Variants in PARD3 observed in about 807,000 individuals in gnomAD.
PARD3 encodes par-3 family cell polarity regulator, also known as partitioning defective 3 homolog.
Under a neutral mutation model 155.4 loss-of-function variants are expected in PARD3, and 75 were observed. That is an observed-to-expected ratio of 0.48 (90% CI 0.40 to 0.58). The LOEUF is 0.58. Among genes scored for constraint, PARD3 ranks in the 20% least tolerant of loss-of-function variants. The pLI, the probability that PARD3 is intolerant of heterozygous loss-of-function variation, is 0.00. For synonymous variants in PARD3, 576 were observed against 610.5 expected (o/e 0.94, Z 0.83); for missense variants, 1,642 against 1,721.7 (o/e 0.95, Z 0.82).
intron 5 of PARD3, among the ~76,000 whole-genome samples, chr10:34,441,964 T>C (rs2076486627): frequency 6.6e-6 from 1 of 152,172 alleles, no homozygotes; most frequent in African/African-American, 2.4e-5. Flanking sequence ...AAATAGAAGT[T>C]CTGGTATTTT....
intron 20 of PARD3, among the ~76,000 whole-genome samples, chr10:34,307,654 T>C (rs1055709084): frequency 5.9e-5 from 9 of 152,068 alleles, no homozygotes; most frequent in African/African-American, 1.9e-4. Flanking sequence ...CCTGGGCACA[T>C]CCAGCAGGCA....
chr10:34,447,804 C>CAACAAAAAAA (rs2076829787), intron 5 of PARD3, among the ~76,000 whole-genome samples: 1 of 143,534 alleles, frequency 7.0e-6, no homozygotes, highest in Non-Finnish European at 1.5e-5. Context: ...GACTCTGTCT[C>CAACAAAAAAA]AAAAGAAAGA....
chr10:34,626,826 T>C (rs2092282182), intron 2 of PARD3, among the ~76,000 whole-genome samples: 1 of 152,200 alleles, frequency 6.6e-6, no homozygotes, highest in Admixed American at 6.5e-5. Flanking sequence ...ATATGAGTGA[T>C]GGAATGTGCA....
rs191022091 is a variant in PARD3 at position 34,731,144 on chromosome 10, C to T, written c.121-34725G>A. Among the ~76,000 whole-genome samples the T allele has an allele frequency of 2.7e-3, 414 of 152,216 alleles. 6 individuals carry two copies. Among genetic ancestry groups the T allele is most frequent in the Middle Eastern group, 0.02 (6 of 294 alleles). On this transcript the variant is annotated intron_variant, in intron 1 of 24. Coordinates refer to ENST00000374788, the MANE Select transcript of PARD3 (RefSeq NM_001184785.2). Reference sequence around the variant, plus strand: ...ATTTTTTTACGCTGTTTTCTCTCACCTTTATAATGATCTTCCAAATCAGAA... The same window carrying T: ...ATTTTTTTACGCTGTTTTCTCTCACTTTTATAATGATCTTCCAAATCAGAA...
intron 3 of PARD3, among the ~76,000 whole-genome samples, chr10:34,479,552 G>A (rs940636417): frequency 6.6e-6 from 1 of 152,078 alleles, no homozygotes; most frequent in Admixed American, 6.6e-5. Context: ...TCGAGACTTA[G>A]GGTACCTTCC....
chr10:34,608,893 A>G (rs1336378620), intron 2 of PARD3, among the ~76,000 whole-genome samples: 1 of 152,204 alleles, frequency 6.6e-6, no homozygotes, highest in East Asian at 1.9e-4. Flanking sequence ...ATATTGTATT[A>G]GGTATTACAA....
intron 1 of PARD3, among the ~76,000 whole-genome samples, chr10:34,780,071 C>T (rs1229936077): frequency 6.6e-6 from 1 of 152,336 alleles, no homozygotes; most frequent in East Asian, 1.9e-4. Flanking sequence ...AGATGCATTA[C>T]ACCTTCTGGT....
chr10:34,310,632 G>A (rs982328117), intron 20 of PARD3, among the ~76,000 whole-genome samples: 1 of 152,130 alleles, frequency 6.6e-6, no homozygotes, highest in Non-Finnish European at 1.5e-5. Flanking sequence ...GGATGTCAGA[G>A]GTTCTCTATT....
intron 2 of PARD3, among the ~76,000 whole-genome samples, chr10:34,682,647 G>A (rs1036595695): frequency 7.2e-5 from 11 of 152,220 alleles, no homozygotes; most frequent in African/African-American, 1.4e-4. Context: ...ATTTGAGCCC[G>A]GGTGTTGGAG....
At chr10:34,319,096 T>TC (rs199601422) in intron 19 of PARD3, among the ~76,000 whole-genome samples, 3 of 146,432 alleles carry the variant, frequency 2.0e-5, no homozygotes, top group Admixed American at 6.9e-5. Context: ...TTTTTTTTTT[T>TC]TTCTTCTTCT....
intron 7 of PARD3, among the ~76,000 whole-genome samples, chr10:34,397,022 C>T (rs1843412030): frequency 6.6e-6 from 1 of 152,152 alleles, no homozygotes; most frequent in South Asian, 2.1e-4. Flanking sequence ...GATTTCTTGG[C>T]TATCACTCCG....
At chr10:34,641,835 A>G (rs1449515004) in intron 2 of PARD3, among the ~76,000 whole-genome samples, 1 of 152,176 alleles carries the variant, frequency 6.6e-6, no homozygotes, top group Non-Finnish European at 1.5e-5. Flanking sequence ...CCTGTCCTGC[A>G]CGTGAAATAC....
chr10:34,135,402 A>T (rs550556256), intron 22 of PARD3, among the ~76,000 whole-genome samples: 1 of 152,192 alleles, frequency 6.6e-6, no homozygotes, highest in Non-Finnish European at 1.5e-5. Flanking sequence ...GGTTTAAGGA[A>T]GGGTACCTAG....
intron 22 of PARD3, among the ~76,000 whole-genome samples, chr10:34,137,039 G>A (rs184784313): frequency 6.6e-6 from 1 of 152,028 alleles, no homozygotes; most frequent in Admixed American, 6.6e-5. Flanking sequence ...ACACCTTCTG[G>A]GGTTCACACC....
intron 1 of PARD3, among the ~76,000 whole-genome samples, chr10:34,762,939 T>C (rs1182195983): frequency 6.6e-6 from 1 of 152,190 alleles, no homozygotes; most frequent in Non-Finnish European, 1.5e-5. Flanking sequence ...CCATCAACAT[T>C]ATCACATGAT....
intron 1 of PARD3, among the ~76,000 whole-genome samples, chr10:34,740,998 C>T (rs770786305): frequency 6.6e-6 from 1 of 151,988 alleles, no homozygotes; most frequent in African/African-American, 2.4e-5. Context: ...AATTTGTTTA[C>T]ATAAGACTTT....
intron 14 of PARD3, among the ~76,000 whole-genome samples, chr10:34,349,537 C>A (rs10827350): frequency 1.2e-5 from 1 of 80,372 alleles, no homozygotes; most frequent in Admixed American, 1.7e-4. Context: ...AGAACAGTTT[C>A]TAAAAGAATG....
intron 2 of PARD3, among the ~76,000 whole-genome samples, chr10:34,581,023 C>T (rs556274649): frequency 1.1e-4 from 16 of 152,192 alleles, no homozygotes; most frequent in African/African-American, 1.7e-4. Flanking sequence ...TTTCCCCCAA[C>T]GAAATACAGG....
At chr10:34,754,756 CCT>C (rs1344518287) in intron 1 of PARD3, among the ~76,000 whole-genome samples, 2 of 152,186 alleles carry the variant, frequency 1.3e-5, no homozygotes, top group Non-Finnish European at 2.9e-5. Flanking sequence ...CAGACAATCC[CCT>C]GACTTAAACT....
Sources: gnomAD v4.1 joint callset for allele counts (sites outside exome capture counted in the v4.1 genomes callset) on GRCh38, gnomAD v4.1.1 for gene constraint, MANE v1.5 for transcripts, NCBI Gene and HGNC (gene_info 2026-07-23, HGNC 2026-07-21) for gene names.